NAALADL2: variants seen among roughly 807,000 people sequenced by gnomAD.
The protein encoded by NAALADL2 is inactive N-acetylated-alpha-linked acidic dipeptidase-like protein 2.
In NAALADL2, 76 loss-of-function variants were observed where a neutral mutation model predicts 87.2. The observed-to-expected ratio is 0.87, with a 90% CI of 0.72 to 1.05. The LOEUF (loss-of-function observed/expected upper bound fraction) is 1.05. Among genes scored for constraint, NAALADL2 ranks in the 50% least tolerant of loss-of-function variants. The pLI, the probability that NAALADL2 is intolerant of heterozygous loss-of-function variation, is 0.00. For missense variants in NAALADL2, 1,089 were observed against 945.8 expected, an observed-to-expected ratio of 1.15 and a Z score of -1.99; for synonymous variants, 354 against 331.0, an observed-to-expected ratio of 1.07 and a Z score of -0.75.
At chr3:174,957,309 G>A (rs1488363817) in intron 1 of NAALADL2, among the ~76,000 whole-genome samples, 1 of 151,972 alleles carries the variant, frequency 6.6e-6, no homozygotes. Flanking sequence ...AGGAAGAAAG[G>A]AGAATAGGAG....
chr3:175,201,590 A>C (rs73043274), intron 2 of NAALADL2, among the ~76,000 whole-genome samples: 17,107 of 152,174 alleles, frequency 0.11, 1,076 homozygotes, highest in African/African-American at 0.16. Flanking sequence ...CAGACATTAC[A>C]TCTTTGTCGT....
chr3:175,336,549 G>A (rs1761988648), intron 5 of NAALADL2, among the ~76,000 whole-genome samples: 1 of 152,144 alleles, frequency 6.6e-6, no homozygotes, highest in African/African-American at 2.4e-5. Context: ...AGTAGGAAAG[G>A]GCAGGGCTGA....
chr3:175,641,606 G>A (rs924583408), intron 11 of NAALADL2, among the ~76,000 whole-genome samples: 6 of 152,092 alleles, frequency 3.9e-5, no homozygotes, highest in Non-Finnish European at 7.4e-5. Flanking sequence ...TACTCCAACC[G>A]TGATTTATTG....
At chr3:174,794,679 T>C (rs1717863641) in intron 3 of NAALADL2, among the ~76,000 whole-genome samples, 1 of 152,156 alleles carries the variant, frequency 6.6e-6, no homozygotes, top group Admixed American at 6.6e-5. Flanking sequence ...AACTTTTTAT[T>C]TTAAAAACAT....
At chr3:175,623,280 T>G (rs1463465584) in intron 10 of NAALADL2, among the ~76,000 whole-genome samples, 1 of 65,938 alleles carries the variant, frequency 1.5e-5, no homozygotes, top group Non-Finnish European at 3.9e-5. Context: ...TTAATACAGC[T>G]TTTATTTGTG....
chr3:174,880,650 A>G (rs1442495382), intron 1 of NAALADL2, among the ~76,000 whole-genome samples: 2 of 144,596 alleles, frequency 1.4e-5, no homozygotes, highest in African/African-American at 5.1e-5. Context: ...CTCCGCCTAG[A>G]TTATCCTTCT....
intron 1 of NAALADL2, among the ~76,000 whole-genome samples, chr3:174,885,371 G>A (rs900532617): frequency 1.3e-5 from 2 of 152,058 alleles, no homozygotes; most frequent in Admixed American, 6.6e-5. Flanking sequence ...GAGAAGAATC[G>A]CTGAGTTCAT....
At chr3:174,482,109 T>C (rs1257554629) in intron 1 of NAALADL2, among the ~76,000 whole-genome samples, 1 of 152,084 alleles carries the variant, frequency 6.6e-6, no homozygotes, top group Non-Finnish European at 1.5e-5. Flanking sequence ...ATATTAACTC[T>C]TTTCTGTCCA....
intron 2 of NAALADL2, among the ~76,000 whole-genome samples, chr3:175,126,949 G>C (rs2108601676): frequency 6.6e-6 from 1 of 150,842 alleles, no homozygotes; most frequent in African/African-American, 2.4e-5. Context: ...AATGTTATGA[G>C]TATCGACTGT....
At chr3:175,020,151 A>T (rs1219350680) in intron 1 of NAALADL2, among the ~76,000 whole-genome samples, 2 of 152,030 alleles carry the variant, frequency 1.3e-5, no homozygotes, top group African/African-American at 4.8e-5. Flanking sequence ...CTGCCTTTGA[A>T]CCAGACACTA....
intron 2 of NAALADL2, among the ~76,000 whole-genome samples, chr3:175,110,402 C>T (rs1271184882): frequency 1.3e-5 from 2 of 151,762 alleles, no homozygotes; most frequent in African/African-American, 4.8e-5. Flanking sequence ...AAGATGTTAA[C>T]ATCAATTTTC....
intron 9 of NAALADL2, among the ~76,000 whole-genome samples, chr3:175,566,154 T>A (rs1049548333): frequency 6.6e-6 from 1 of 152,146 alleles, no homozygotes; most frequent in Non-Finnish European, 1.5e-5. Context: ...AAAGCCTTTT[T>A]TCATACTATA....
In NAALADL2 at chr3:175,667,141, A is replaced by AAG. The variant is rs370119641; in HGVS notation, c.1896+39769_1896+39770dup. On this transcript the variant is annotated intron_variant, in intron 11 of 13. Transcript: ENST00000454872. ...AGAGAGAGAGAAAAAGAAAGAAAGA[A>AAG]AGAGAGAGAGAGAGAAAGAAAAAGA... Among the ~76,000 whole-genome samples, 214 of 146,416 alleles carry AAG rather than the reference A, an allele frequency of 1.5e-3. 1 individual carries two copies. The highest frequency in any genetic ancestry group is 4.8e-3 in the African/African-American group (182 of 38,194).
intron 5 of NAALADL2, among the ~76,000 whole-genome samples, chr3:175,342,183 C>T (rs1762628920): frequency 1.3e-5 from 2 of 151,898 alleles, no homozygotes; most frequent in African/African-American, 2.4e-5. Flanking sequence ...TTTTAAAAGT[C>T]TTTGATGAAA....
chr3:174,668,310 G>C (rs1726169375), intron 2 of NAALADL2, among the ~76,000 whole-genome samples: 1 of 151,894 alleles, frequency 6.6e-6, no homozygotes, highest in Non-Finnish European at 1.5e-5. Flanking sequence ...TCCATACATT[G>C]CCTTTCACTC....
intron 5 of NAALADL2, among the ~76,000 whole-genome samples, chr3:175,443,624 C>G (rs1720191820): frequency 6.6e-6 from 1 of 152,022 alleles, no homozygotes; most frequent in Non-Finnish European, 1.5e-5. Context: ...TTTGGCAGGA[C>G]TCAGAAAACC....
intron 1 of NAALADL2, among the ~76,000 whole-genome samples, chr3:174,929,003 T>C (rs762693474): frequency 6.6e-6 from 1 of 152,188 alleles, no homozygotes; most frequent in Non-Finnish European, 1.5e-5. Flanking sequence ...AATAGTTAAT[T>C]AGATATTTAA....
intron 3 of NAALADL2, among the ~76,000 whole-genome samples, chr3:175,255,918 A>G (rs193080145): frequency 1.2e-3 from 183 of 152,292 alleles, no homozygotes; most frequent in African/African-American, 4.1e-3. Context: ...ACAGCTGGCT[A>G]TTGCACAATG....
intron 5 of NAALADL2, among the ~76,000 whole-genome samples, chr3:175,364,285 A>C (rs1201121397): frequency 6.8e-6 from 1 of 147,862 alleles, no homozygotes; most frequent in African/African-American, 2.5e-5. Flanking sequence ...TCCTCTGCGT[A>C]AAACAAAACC....
Sources: gnomAD v4.1 joint callset for allele counts (sites outside exome capture counted in the v4.1 genomes callset) on GRCh38, gnomAD v4.1.1 for gene constraint, MANE v1.5 for transcripts, NCBI Gene and HGNC (gene_info 2026-07-23, HGNC 2026-07-21) for gene names.